CDK19: variants seen among roughly 807,000 people sequenced by gnomAD.
CDK19 encodes the protein cyclin-dependent kinase 19.
A neutral mutation model predicts 68.3 loss-of-function variants in CDK19; 20 were observed. That is an observed-to-expected ratio of 0.29 (90% CI 0.21 to 0.43). CDK19 has a LOEUF of 0.43. Among genes scored for constraint, CDK19 ranks in the 20% least tolerant of loss-of-function variants. The pLI is 1.00. For missense variants in CDK19, 339 were observed against 623.5 expected (o/e 0.54, Z 4.86); for synonymous variants, 221 against 222.8 (o/e 0.99, Z 0.07).
At chr6:110,686,274 G>A (rs1433223799) in intron 2 of CDK19, among the ~76,000 whole-genome samples, 1 of 152,112 alleles carries the variant, frequency 6.6e-6, no homozygotes, top group Non-Finnish European at 1.5e-5. Flanking sequence ...ACCTAGTCAC[G>A]AAAGTCAGAA....
intron 4 of CDK19, among the ~76,000 whole-genome samples, chr6:110,643,936 AAATT>A (rs1392895423): frequency 1.3e-5 from 2 of 151,976 alleles, no homozygotes; most frequent in African/African-American, 2.4e-5. Flanking sequence ...AATTTTAATT[AAATT>A]AATTAAAAAT....
intron 2 of CDK19, among the ~76,000 whole-genome samples, chr6:110,727,614 T>C (rs1318402340): frequency 8.3e-6 from 1 of 120,346 alleles, no homozygotes; most frequent in Non-Finnish European, 1.9e-5. Context: ...TCAAGATGTC[T>C]TTTTTAAAAG....
intron 4 of CDK19, among the ~76,000 whole-genome samples, chr6:110,641,298 A>G (rs1780146047): frequency 6.6e-6 from 1 of 152,180 alleles, no homozygotes; most frequent in South Asian, 2.1e-4. Flanking sequence ...GACAGCTTTT[A>G]AGACTACAAG....
chr6:110,639,448 G>A (rs1275574167), intron 4 of CDK19, among the ~76,000 whole-genome samples: 1 of 152,130 alleles, frequency 6.6e-6, no homozygotes, highest in Non-Finnish European at 1.5e-5. Flanking sequence ...TTCAATCAAC[G>A]AATGCATTTT....
intron 1 of CDK19, among the ~76,000 whole-genome samples, chr6:110,806,328 G>A (rs924028734): frequency 5.1e-5 from 7 of 137,024 alleles, no homozygotes; most frequent in Admixed American, 8.2e-5. Context: ...CAAGAAGAGC[G>A]AAACTCCATC....
intron 4 of CDK19, among the ~76,000 whole-genome samples, chr6:110,651,577 T>C (rs1005103466): frequency 6.6e-6 from 1 of 152,130 alleles, no homozygotes; most frequent in Non-Finnish European, 1.5e-5. Context: ...CTAAAAAAAA[T>C]ACATTCGTAT....
intron 1 of CDK19, among the ~76,000 whole-genome samples, chr6:110,754,539 G>A (rs1038380881): frequency 6.6e-6 from 1 of 151,534 alleles, no homozygotes; most frequent in Non-Finnish European, 1.5e-5. Context: ...GAGTGCAGTG[G>A]CTCAATCTCA....
At chr6:110,814,652 G>A (rs1367858923) in intron 1 of CDK19, 1 of 496,508 alleles carries the variant, frequency 2.0e-6, no homozygotes, top group South Asian at 1.5e-5. Flanking sequence ...ACTCCGCAGC[G>A]GAGCTCTGCC....
intron 2 of CDK19, among the ~76,000 whole-genome samples, chr6:110,728,944 G>A (rs1000062440): frequency 5.9e-5 from 9 of 152,030 alleles, no homozygotes; most frequent in East Asian, 1.9e-4. Flanking sequence ...GTGAATATTC[G>A]TGTGAATATT....
Position 110,667,445 on chromosome 6 carries a change from GA to G in CDK19, c.444del (p.His149ThrfsTer4). The G allele has an allele frequency of 6.3e-7, 1 of 1,576,682 alleles. No homozygotes were observed. The highest frequency in any genetic ancestry group is 1.2e-5 in the South Asian group (1 of 82,826). ...GIHYLHANWV[L>X]HRDLKPANIL... ...AGAAAAATACTTACCAAGTCTCTGT[GA>G]AGCACCCAATTTGCATGGAGGTAAT... On this transcript the variant is annotated frameshift_variant, in exon 4 of 13. Coordinates refer to ENST00000368911, the MANE Select transcript of CDK19 (RefSeq NM_015076.5). LOFTEE classifies it high-confidence loss of function.
At chr6:110,703,524 T>C (rs1356991935) in intron 2 of CDK19, among the ~76,000 whole-genome samples, 4 of 152,166 alleles carry the variant, frequency 2.6e-5, no homozygotes, top group East Asian at 3.9e-4. Context: ...CTATACAACA[T>C]ACACTGATTT....
chr6:110,646,796 C>T (rs1780621412), intron 4 of CDK19, among the ~76,000 whole-genome samples: 1 of 152,022 alleles, frequency 6.6e-6, no homozygotes, highest in Non-Finnish European at 1.5e-5. Context: ...CGTGGGGTGG[C>T]GGGCAAACCT....
At chr6:110,806,209 GCAT>G (rs1782669512) in intron 1 of CDK19, among the ~76,000 whole-genome samples, 1 of 151,374 alleles carries the variant, frequency 6.6e-6, no homozygotes, top group Non-Finnish European at 1.5e-5. Context: ...GCATGGTGGC[GCAT>G]TCCTGTAATC....
Position 110,728,302 on chromosome 6 carries a change from A to G in CDK19, c.204+17824T>C, listed in dbSNP as rs112053866. Among the ~76,000 whole-genome samples the G allele has an allele frequency of 3.3e-3, 494 of 150,502 alleles. 8 individuals are homozygous for G. Among genetic ancestry groups the G allele is most frequent in the Admixed American group, 0.019 (281 of 15,092 alleles). Reference sequence around the variant, plus strand: ...GACTCCATCTCAAAAAAAAAAAAAAAAGAGAGAGAGAGAAAGAGCACATGC... The same window carrying G: ...GACTCCATCTCAAAAAAAAAAAAAAGAGAGAGAGAGAGAAAGAGCACATGC... On this transcript the variant is annotated intron_variant, in intron 2 of 12. Transcript: ENST00000368911.
intron 1 of CDK19, among the ~76,000 whole-genome samples, chr6:110,794,304 C>T (rs1781787458): frequency 6.6e-6 from 1 of 152,122 alleles, no homozygotes; most frequent in African/African-American, 2.4e-5. Context: ...ACCTCGGCCT[C>T]CCAAATTGCT....
intron 2 of CDK19, chr6:110,722,322 A>G (rs950997168): frequency 6.6e-6 from 1 of 152,016 alleles, no homozygotes; most frequent in African/African-American, 2.4e-5. Flanking sequence ...GTATCATTCC[A>G]ATTTTAGTGC....
rs1411152257 is a variant in CDK19 at position 110,613,764 on chromosome 6, T to A, written c.*771A>T. 1 of 152,632 alleles carries A rather than the reference T, an allele frequency of 6.6e-6. No individual in the cohort carries two copies. Among genetic ancestry groups the A allele is most frequent in the Admixed American group, 6.5e-5 (1 of 15,280 alleles). 9.5% of individuals were successfully genotyped at this position (152,632 alleles called of 1,614,324 possible). On this transcript the variant is annotated 3_prime_UTR_variant, in exon 13 of 13. Transcript: ENST00000368911. ...CCTTTTTAAGGTAGACTTAGCTACA[T>A]GAAGGTTAAAATTGTAATTCTTAAT... is the stretch of plus-strand genomic sequence containing the variant.
chr6:110,807,852 T>C (rs1165370829), intron 1 of CDK19, among the ~76,000 whole-genome samples: 1 of 151,748 alleles, frequency 6.6e-6, no homozygotes, highest in Non-Finnish European at 1.5e-5. Flanking sequence ...CTGCTGCCCA[T>C]GCTGAAGTGC....
intron 2 of CDK19, among the ~76,000 whole-genome samples, chr6:110,711,494 C>T (rs534582946): frequency 7.8e-4 from 119 of 151,894 alleles, no homozygotes; most frequent in Non-Finnish European, 1.4e-3. Flanking sequence ...ATTTACGTAT[C>T]AATTAAAACC....
Sources: gnomAD v4.1 joint callset for allele counts (sites outside exome capture counted in the v4.1 genomes callset) on GRCh38, gnomAD v4.1.1 for gene constraint, MANE v1.5 for transcripts, NCBI Gene and HGNC (gene_info 2026-07-23, HGNC 2026-07-21) for gene names.